Variants in ZFP90 observed in about 807,000 individuals in gnomAD.
ZFP90 encodes the protein ZFP90 zinc finger protein, also known as zinc finger protein 90 homolog.
ZFP90 carries 38 observed loss-of-function variants against 60.8 expected under a neutral mutation model. The ratio of observed to expected loss-of-function variants is 0.62; its 90% CI spans 0.48 to 0.82. The LOEUF (loss-of-function observed/expected upper bound fraction) is 0.82, where lower values mean the gene tolerates loss of function less well. Among genes scored for constraint, ZFP90 ranks in the 40% least tolerant of loss-of-function variants. The probability of loss-of-function intolerance (pLI) is 0.00; values close to 1 mark genes in which losing one functional copy is unlikely to be tolerated. For synonymous variants in ZFP90, 287 were observed against 264.8 expected (o/e 1.08, Z -0.82); for missense variants, 711 against 759.1 (o/e 0.94, Z 0.74).
At chr16:68,551,883 T>C (rs1326806692) in intron 2 of ZFP90, among the ~76,000 whole-genome samples, 2 of 152,214 alleles carry the variant, frequency 1.3e-5, no homozygotes, top group East Asian at 3.9e-4. Context: ...CTCAGCCTCC[T>C]CAGTATCTGG....
At chr16:68,538,492 G>T (rs1270237463), upstream of ZFP90, among the ~76,000 whole-genome samples, 1 of 151,996 alleles carries the variant, frequency 6.6e-6, no homozygotes, top group Non-Finnish European at 1.5e-5. Flanking sequence ...GGAGGCCGAG[G>T]CGAGTTCGAG....
intron 2 of ZFP90, among the ~76,000 whole-genome samples, chr16:68,550,030 G>A (rs1454315623): frequency 1.3e-5 from 2 of 152,176 alleles, no homozygotes; most frequent in South Asian, 2.1e-4. Flanking sequence ...CTAGAACAAT[G>A]TAGAACGGTG....
At chr16:68,557,267 A>C (rs1193332593) in intron 2 of ZFP90, 1 of 455,816 alleles carries the variant, frequency 2.2e-6, no homozygotes, top group East Asian at 7.0e-5. Context: ...GCCGGCCTTG[A>C]CCTCTCAAAG....
chr16:68,571,802 TAAAAGA>T (rs10579670), downstream of ZFP90, among the ~76,000 whole-genome samples: 83,686 of 151,538 alleles, frequency 0.55, 25,638 homozygotes, highest in East Asian at 0.86. Flanking sequence ...AAAAAATTGT[TAAAAGA>T]AAAAGTCTTG....
chr16:68,538,123 G>C (rs1315772436), upstream of ZFP90, among the ~76,000 whole-genome samples: 1 of 151,880 alleles, frequency 6.6e-6, no homozygotes, highest in East Asian at 2.0e-4. Context: ...TGTTGGTCAG[G>C]CTGGTCTCGA....
intron 2 of ZFP90, chr16:68,554,958 A>G (rs1318403338): frequency 1.3e-5 from 2 of 152,154 alleles, no homozygotes; most frequent in Admixed American, 6.5e-5. Context: ...ACTTATCTCA[A>G]AATGGCTGGT....
At position 68,566,881 on chromosome 16, in the gene ZFP90, A is replaced by G. The variant is rs569830077; in HGVS notation, c.*2183A>G. On this transcript the variant is annotated 3_prime_UTR_variant, in exon 5 of 5. Transcript: ENST00000563169. The stretch of plus-strand genomic sequence containing the variant: ...CGGAAGTTTATAAAACCTTAGTTCC[A>G]GAAGACCCAAAGGAGAGTACTGGTT... 1.5e-5 allele frequency: 15 copies of G among 985,642 alleles called. No individual in the cohort carries two copies. In the East Asian group the frequency reaches 1.5e-3, roughly 95 times the overall value. The allele number at this position is 985,642 out of a possible 1,614,324, so 61.1% of individuals were successfully genotyped here.
chr16:68,555,280 G>A (rs1047534644), intron 2 of ZFP90: 3 of 152,222 alleles, frequency 2.0e-5, no homozygotes, highest in African/African-American at 7.2e-5. Context: ...CTGCCACAGT[G>A]TATATAGTAA....
At position 68,541,355 on chromosome 16, in the gene ZFP90, T is replaced by G. The variant is rs1172197638; in HGVS notation, c.33+1530T>G. ...GCCTGGCCTAATTTTTGTTTTTTTT[T>G]GTAAAGATGGGGTTTCTCCAGGCTG... On this transcript the variant is annotated intron_variant, in intron 2 of 4. Coordinates refer to ENST00000563169, the MANE Select transcript of ZFP90 (RefSeq NM_001305203.2). Among the ~76,000 whole-genome samples the G allele has an allele frequency of 8.6e-5, 13 of 151,902 alleles. No homozygotes were observed. In the East Asian group the frequency reaches 9.7e-4, roughly 11 times the overall value.
rs754560395 is a variant in ZFP90 at position 68,567,026 on chromosome 16, A to G, written c.*2328A>G. On this transcript the variant is annotated 3_prime_UTR_variant, in exon 5 of 5. Transcript: ENST00000563169. ...TGACCAGAAGGCTTTCTTAGTCCCA[A>G]CAGCCATGAACCATGCACTTATGGA... is the stretch of plus-strand genomic sequence containing the variant. 1.1e-5 allele frequency: 11 copies of G among 985,478 alleles called. No individual in the cohort carries two copies. The highest frequency in any genetic ancestry group is 1.3e-5 in the Non-Finnish European group (11 of 829,956). The allele number at this position is 985,478 out of a possible 1,614,324, so 61.0% of individuals were successfully genotyped here.
Position 68,557,979 on chromosome 16 carries a change from C to G in ZFP90, c.34-19C>G. On this transcript the variant is annotated intron_variant, in intron 2 of 4. Transcript: ENST00000563169. The stretch of plus-strand genomic sequence containing the variant: ...TTTGTGGGGTTGATCCCCAGTTGAA[C>G]AGGAATGTGATTTTACAGGAATCAG... 1 of 1,613,282 alleles carries G rather than the reference C, an allele frequency of 6.2e-7. No individual in the cohort carries two copies. Among genetic ancestry groups the G allele is most frequent in the Non-Finnish European group, 8.5e-7 (1 of 1,179,736 alleles).
rs766767243 is a variant in ZFP90, at chr16:68,564,668, C to T, written c.1881C>T (p.His627=). 1 of 1,610,436 alleles carries T rather than the reference C, an allele frequency of 6.2e-7. No homozygotes were observed. Among genetic ancestry groups the T allele is most frequent in the Admixed American group, 1.7e-5 (1 of 59,106 alleles). ...GCCGAAGTTCAGCTCTTACTAAACA[C>T]CAGAGAATTCATACTCGAAATAAAC... ...NFSRSSALTK[H]QRIHTRNKL The change falls in exon 5 of 5, where the codon CAC becomes CAT. Residue 627 remains histidine, a synonymous_variant. Coordinates refer to ENST00000563169, the MANE Select transcript of ZFP90 (RefSeq NM_001305203.2).
chr16:68,557,133 A>G (rs1480465153), intron 2 of ZFP90: 3 of 451,874 alleles, frequency 6.6e-6, no homozygotes, highest in Non-Finnish European at 1.3e-5. Context: ...GACTGTAGGC[A>G]CACACCACCA....
In ZFP90 at chr16:68,563,292, A is replaced by G; in HGVS notation, c.505A>G (p.Asn169Asp). The change falls in exon 5 of 5, where the codon AAT becomes GAT. Residue 169 changes from asparagine (N) to aspartate (D), a missense_variant. Transcript: ENST00000563169. ...KFGENSRLNT[N>D]LVTQLNIPAR... ...TGGTGAAAATTCTAGATTGAACACC[A>G]ATTTGGTTACACAACTGAACATTCC... The G allele has an allele frequency of 6.2e-7, 1 of 1,614,138 alleles. No homozygotes were observed. Among genetic ancestry groups the G allele is most frequent in the Non-Finnish European group, 8.5e-7 (1 of 1,180,004 alleles).
intron 2 of ZFP90, among the ~76,000 whole-genome samples, chr16:68,547,315 T>C (rs958770029): frequency 3.3e-5 from 5 of 152,190 alleles, no homozygotes; most frequent in Non-Finnish European, 7.3e-5. Context: ...CAGTGTGAGG[T>C]GATATCTCAT....
At chr16:68,572,544 A>G (rs1567417371) in intron 2 of ZFP90, among the ~76,000 whole-genome samples, 1 of 152,186 alleles carries the variant, frequency 6.6e-6, no homozygotes, top group Non-Finnish European at 1.5e-5. Context: ...TCACAGAGCC[A>G]CTTGATCCTT....
intron 2 of ZFP90, among the ~76,000 whole-genome samples, chr16:68,574,926 CAA>C (rs10658760): frequency 1.2e-4 from 12 of 103,596 alleles, no homozygotes; most frequent in Admixed American, 3.3e-4. Context: ...GACCCTGTCT[CAA>C]AAAAAAAAAA....
upstream of ZFP90, among the ~76,000 whole-genome samples, chr16:68,537,087 T>C (rs1567389292): frequency 6.6e-6 from 1 of 151,864 alleles, no homozygotes; most frequent in Non-Finnish European, 1.5e-5. Flanking sequence ...CAGCCTGGAA[T>C]TCTTTTCCCC....
Position 68,566,536 on chromosome 16 carries a change from A to G in ZFP90, c.*1838A>G. ...AAATTGTGCATGGGGGCTGAAATGT[A>G]ATATGTGTAGCTCAATTAGTCTCTC... On this transcript the variant is annotated 3_prime_UTR_variant, in exon 5 of 5. Coordinates refer to ENST00000563169, the MANE Select transcript of ZFP90 (RefSeq NM_001305203.2). The G allele has an allele frequency of 4.1e-6, 4 of 985,496 alleles. No individual in the cohort carries two copies. Among genetic ancestry groups the G allele is most frequent in the South Asian group, 4.7e-5 (1 of 21,270 alleles). The allele number at this position is 985,496 out of a possible 1,614,324, so 61.0% of individuals were successfully genotyped here. A position where few individuals can be genotyped will look rare whatever the true frequency, so the allele number is the denominator to read the frequency against.
Sources: allele counts gnomAD v4.1 joint callset (sites outside exome capture counted in the v4.1 genomes callset), GRCh38; gene constraint gnomAD v4.1.1; transcripts MANE v1.5; gene names NCBI Gene and HGNC (gene_info 2026-07-23, HGNC 2026-07-21).